FAHD2A: variants seen among roughly 807,000 people sequenced by gnomAD.
FAHD2A encodes the protein oxaloacetate tautomerase FAHD2A, mitochondrial.
FAHD2A carries 27 observed loss-of-function variants against 33.4 expected under a neutral mutation model. That is an observed-to-expected ratio of 0.81 (90% CI 0.60 to 1.11). FAHD2A has a LOEUF of 1.11. Among genes scored for constraint, FAHD2A ranks in the 50% most tolerant of loss-of-function variants. The pLI is 0.00. For missense variants in FAHD2A, 296 were observed against 395.0 expected (o/e 0.75, Z 2.12); for synonymous variants, 130 against 153.3 (o/e 0.85, Z 1.12).
downstream of FAHD2A, among the ~76,000 whole-genome samples, chr2:95,417,730 CTG>C (rs1683247980): frequency 6.6e-6 from 1 of 151,994 alleles, no homozygotes. Context: ...CATCTTCTTG[CTG>C]TGTCATCACA....
rs1317868395 is a variant in FAHD2A at position 95,413,112 on chromosome 2, T to C, written c.*155T>C. The C allele has an allele frequency of 7.3e-6, 9 of 1,237,124 alleles. No homozygotes were observed. In the East Asian group the frequency reaches 2.0e-4, roughly 28 times the overall value. 76.6% of individuals were successfully genotyped at this position (1,237,124 alleles called of 1,614,324 possible). A position where few individuals can be genotyped will look rare whatever the true frequency, so the allele number is the denominator to read the frequency against. ...GAAGGACAGAGCTCTCTTCAATAAATTCGTCAGGTCAAAGCAGCAGCTTTG... is the reference window on the plus strand; with the variant it reads ...GAAGGACAGAGCTCTCTTCAATAAACTCGTCAGGTCAAAGCAGCAGCTTTG... On this transcript the variant is annotated 3_prime_UTR_variant, in exon 8 of 8. Coordinates refer to ENST00000233379, the MANE Select transcript of FAHD2A (RefSeq NM_016044.3).
intron 6 of FAHD2A, 26 bp from the exon 7 acceptor site, chr2:95,412,651 C>G: frequency 6.2e-7 from 1 of 1,613,976 alleles, no homozygotes; most frequent in African/African-American, 1.3e-5. Context: ...CCCCTGGTCT[C>G]ACCGGGTCCT....
Position 95,405,970 on chromosome 2 carries a change from A to G in FAHD2A, c.245+167A>G, listed in dbSNP as rs1000562005. On this transcript the variant is annotated intron_variant, in intron 2 of 7. Coordinates refer to ENST00000233379, the MANE Select transcript of FAHD2A (RefSeq NM_016044.3). The stretch of plus-strand genomic sequence containing the variant: ...AAGATCCTTAGAAATCTTACATAAT[A>G]ACATCTTCAGTTTTCAGAGGAGAAA... 2.2e-4 allele frequency among the ~76,000 whole-genome samples: 34 copies of G among 151,904 alleles called. 1 individual carries two copies. The Middle Eastern group carries it at 0.01, about 46-fold the overall frequency.
At chr2:95,419,082 T>A (rs1382916908), downstream of FAHD2A, among the ~76,000 whole-genome samples, 2 of 151,964 alleles carry the variant, frequency 1.3e-5, no homozygotes, top group Non-Finnish European at 2.9e-5. Flanking sequence ...GACAAAGAAG[T>A]ATCCTCCCCT....
At chr2:95,404,484 G>A (rs540247013) in intron 1 of FAHD2A, among the ~76,000 whole-genome samples, 22 of 152,072 alleles carry the variant, frequency 1.4e-4, no homozygotes, top group South Asian at 6.2e-4. Flanking sequence ...TAGTGGAAAC[G>A]GGGTTTCACC....
chr2:95,408,035 ATTTTTT>A (rs11377714), intron 3 of FAHD2A, among the ~76,000 whole-genome samples: 44 of 94,700 alleles, frequency 4.6e-4, no homozygotes, highest in African/African-American at 7.4e-4. Context: ...GCAAACACAC[ATTTTTT>A]TTTTTTTTTT....
Position 95,415,556 on chromosome 2 carries a change from G to T in FAHD2A, c.*2599G>T, listed in dbSNP as rs1318421107. On this transcript the variant is annotated 3_prime_UTR_variant, in exon 8 of 8. Coordinates refer to ENST00000233379, the MANE Select transcript of FAHD2A (RefSeq NM_016044.3). The stretch of plus-strand genomic sequence containing the variant: ...ATTTATAAATATCAGCATTAAGCGA[G>T]ATTTAACGGGGAGCTGTTTATCTTC... 3 of 152,636 alleles carry T rather than the reference G, an allele frequency of 2.0e-5. No homozygotes were observed. Among genetic ancestry groups the T allele is most frequent in the Non-Finnish European group, 2.9e-5 (2 of 68,048 alleles). 9.5% of individuals were successfully genotyped at this position (152,636 alleles called of 1,614,324 possible).
chr2:95,407,974 A>T (rs566782378), intron 3 of FAHD2A, among the ~76,000 whole-genome samples: 1 of 150,176 alleles, frequency 6.7e-6, no homozygotes, highest in Admixed American at 6.7e-5. Context: ...CATTGTAAAC[A>T]TTTGGCCATA....
chr2:95,405,944 A>AAT (rs1469852142), intron 2 of FAHD2A, 141 bp downstream of exon 2: 1 of 1,207,110 alleles, frequency 8.3e-7, no homozygotes, highest in African/African-American at 1.5e-5. Flanking sequence ...CGTTCTCTTA[A>AAT]AAGATCCTTA....
At chr2:95,403,484 G>C (rs1463742216) in intron 1 of FAHD2A, among the ~76,000 whole-genome samples, 2 of 152,130 alleles carry the variant, frequency 1.3e-5, no homozygotes, top group African/African-American at 4.8e-5. Context: ...TAGCAGTTAC[G>C]GCCTCTGGAG....
downstream of FAHD2A, among the ~76,000 whole-genome samples, chr2:95,420,124 C>T (rs1048022748): frequency 1.1e-4 from 16 of 152,074 alleles, 1 homozygote; most frequent in Non-Finnish European, 1.5e-5. Context: ...TTGATTGGAA[C>T]TTCTACATTA....
chr2:95,411,895 C>T (rs1376590751), intron 5 of FAHD2A, among the ~76,000 whole-genome samples: 1 of 152,210 alleles, frequency 6.6e-6, no homozygotes, highest in Non-Finnish European at 1.5e-5. Context: ...AAGCAGTTCT[C>T]CCGCCTCAGC....
chr2:95,418,717 A>T (rs1217117455), downstream of FAHD2A, among the ~76,000 whole-genome samples: 1 of 152,084 alleles, frequency 6.6e-6, no homozygotes, highest in Non-Finnish European at 1.5e-5. Context: ...CATGGGAACC[A>T]TACAAGGAGA....
downstream of FAHD2A, among the ~76,000 whole-genome samples, chr2:95,420,664 A>G (rs951109028): frequency 3.6e-4 from 55 of 151,848 alleles, no homozygotes; most frequent in Non-Finnish European, 2.1e-4. Context: ...AAAGAAAAAC[A>G]GGTAAGTGAA....
rs1168649710 is a variant in FAHD2A at position 95,411,132 on chromosome 2, G to C, written c.685+106G>C. 14 of 1,516,772 alleles carry C rather than the reference G, an allele frequency of 9.2e-6. No individual in the cohort carries two copies. In the Admixed American group the frequency reaches 2.8e-4, roughly 30 times the overall value. 94.0% of individuals were successfully genotyped at this position (1,516,772 alleles called of 1,614,324 possible). A position where few individuals can be genotyped will look rare whatever the true frequency, so the allele number is the denominator to read the frequency against. ...CATGTGGCACCTGCCCTCCCTGGCCGCCCTTTCACTGCTGACTCCATACAG... is the reference window on the plus strand; with the variant it reads ...CATGTGGCACCTGCCCTCCCTGGCCCCCCTTTCACTGCTGACTCCATACAG... On this transcript the variant is annotated intron_variant, in intron 5 of 7. Coordinates refer to ENST00000233379, the MANE Select transcript of FAHD2A (RefSeq NM_016044.3).
chr2:95,404,902 CGCT>C (rs1681281901), intron 1 of FAHD2A, among the ~76,000 whole-genome samples: 1 of 152,172 alleles, frequency 6.6e-6, no homozygotes, highest in Admixed American at 6.5e-5. Flanking sequence ...CAGGTGGGGG[CGCT>C]GCTCCTAGAA....
chr2:95,413,383 C>T lies in FAHD2A; in HGVS notation c.*426C>T. On this transcript the variant is annotated 3_prime_UTR_variant, in exon 8 of 8. Coordinates refer to ENST00000233379, the MANE Select transcript of FAHD2A (RefSeq NM_016044.3). Reference sequence around the variant, plus strand: ...TAAGGGTTTGCAGCCTCCTCTCCATCTTCTGGCTCTAGGACACAGCTGTGT... The same window carrying T: ...TAAGGGTTTGCAGCCTCCTCTCCATTTTCTGGCTCTAGGACACAGCTGTGT... 11 of 1,565,244 alleles carry T rather than the reference C, an allele frequency of 7.0e-6. No homozygotes were observed. The highest frequency in any genetic ancestry group is 2.4e-4 in the Middle Eastern group (1 of 4,250).
Position 95,416,447 on chromosome 2 carries a change from CAGAA to C in FAHD2A, c.*3493_*3496del, listed in dbSNP as rs1683174285. ...TCCTTGCCTGGACCCCGCCTCAGCT[CAGAA>C]AGCCAATTCCCTAGATTCCAAAGGC... On this transcript the variant is annotated 3_prime_UTR_variant, in exon 8 of 8. Coordinates refer to ENST00000233379, the MANE Select transcript of FAHD2A (RefSeq NM_016044.3). The C allele has an allele frequency of 1.3e-5, 2 of 152,162 alleles. No homozygotes were observed. Among genetic ancestry groups the C allele is most frequent in the African/African-American group, 4.8e-5 (2 of 41,430 alleles). The allele number at this position is 152,162 out of a possible 1,614,324, so 9.4% of individuals were successfully genotyped here.
intron 5 of FAHD2A, 106 bp downstream of exon 5, chr2:95,411,132 G>A (rs1168649710): frequency 1.1e-5 from 17 of 1,516,770 alleles, no homozygotes; most frequent in Admixed American, 2.0e-5. Context: ...CTCCCTGGCC[G>A]CCCTTTCACT....
Sources: allele counts gnomAD v4.1 joint callset (sites outside exome capture counted in the v4.1 genomes callset), GRCh38; gene constraint gnomAD v4.1.1; transcripts MANE v1.5; gene names NCBI Gene and HGNC (gene_info 2026-07-23, HGNC 2026-07-21).